Variants in MAP3K4 observed in about 807,000 individuals in gnomAD.
The protein encoded by MAP3K4 is mitogen-activated protein kinase kinase kinase 4, also known as MAP three kinase 1.
MAP3K4 carries 67 observed loss-of-function variants against 185.6 expected under a neutral mutation model. The observed-to-expected ratio is 0.36, with a 90% CI of 0.30 to 0.44. The LOEUF (loss-of-function observed/expected upper bound fraction) is 0.44. MAP3K4 is among the 20% of genes least tolerant of loss of function. The pLI is 1.00. For missense variants in MAP3K4, 1,551 were observed against 1,995.1 expected (o/e 0.78, Z 4.24); for synonymous variants, 702 against 710.4 (o/e 0.99, Z 0.19).
chr6:161,038,641 A>G (rs1435377657), intron 2 of MAP3K4, among the ~76,000 whole-genome samples: 2 of 152,222 alleles, frequency 1.3e-5, no homozygotes, highest in African/African-American at 2.4e-5. Context: ...TAATGGCATG[A>G]AAGAGCAATT....
At chr6:161,041,686 C>A (rs1024707293) in intron 2 of MAP3K4, among the ~76,000 whole-genome samples, 1 of 152,160 alleles carries the variant, frequency 6.6e-6, no homozygotes, top group African/African-American at 2.4e-5. Flanking sequence ...TGGGGCTGCC[C>A]TGTGCAGCCA....
intron 3 of MAP3K4, among the ~76,000 whole-genome samples, chr6:161,052,427 C>CA (rs1385597559): frequency 6.6e-6 from 1 of 152,104 alleles, no homozygotes; most frequent in African/African-American, 2.4e-5. Flanking sequence ...AGAAAAGAAA[C>CA]ACGAATTCAA....
At position 161,063,797 on chromosome 6, in the gene MAP3K4, T is replaced by C. The variant is rs1158637984; in HGVS notation, c.1708-6811T>C. Among the ~76,000 whole-genome samples the C allele has an allele frequency of 6.6e-6, 1 of 152,208 alleles. No homozygotes were observed. The highest frequency in any genetic ancestry group is 1.5e-5 in the Non-Finnish European group (1 of 68,038). ...CATTCCTAATTTCACAGAAGTTCTC[T>C]GTAGACTCTGTGAGCTTTTCATAGA... On this transcript the variant is annotated intron_variant, in intron 3 of 26. Transcript: ENST00000392142. The surrounding 1 kb of genome is among the most constrained non-coding windows in gnomAD (Gnocchi z 5.4).
intron 1 of MAP3K4, among the ~76,000 whole-genome samples, chr6:160,993,296 G>T (rs1057043571): frequency 1.1e-4 from 17 of 152,122 alleles, no homozygotes; most frequent in African/African-American, 4.1e-4. Context: ...AGTATTTTTA[G>T]AAATTTTGTC....
In MAP3K4 at chr6:161,051,248, AT is replaced by A. The variant is rs199944309; in HGVS notation, c.1707+1279del. ...TTGTTATTTTTATTTTTTTAACTTC[AT>A]TTTTTTTTTACACAGCCTGGCTTGC... On this transcript the variant is annotated intron_variant, in intron 3 of 26. Transcript: ENST00000392142. The surrounding 1 kb of genome is among the most constrained non-coding windows in gnomAD (Gnocchi z 4.2). 2.0e-5 allele frequency among the ~76,000 whole-genome samples: 3 copies of A among 149,560 alleles called. No individual in the cohort carries two copies. The highest frequency in any genetic ancestry group is 7.4e-5 in the African/African-American group (3 of 40,750).
At position 161,117,047 on chromosome 6, in the gene MAP3K4, C is replaced by T; in HGVS notation, c.*177C>T. On this transcript the variant is annotated 3_prime_UTR_variant, in exon 27 of 27. Transcript: ENST00000392142. ...TGTTTGTCTGATGTGGCAAAAGGCC[C>T]TCTGGAGGGCTGGTGGCCACGAGGT... 2 of 627,912 alleles carry T rather than the reference C, an allele frequency of 3.2e-6. No homozygotes were observed. The highest frequency in any genetic ancestry group is 5.6e-6 in the Non-Finnish European group (2 of 358,830). The allele number at this position is 627,912 out of a possible 1,614,324, so 38.9% of individuals were successfully genotyped here. A position where few individuals can be genotyped will look rare whatever the true frequency, so the allele number is the denominator to read the frequency against.
At position 161,093,599 on chromosome 6, in the gene MAP3K4, ATTATT is replaced by A. The variant is rs1196556428; in HGVS notation, c.3349-170_3349-166del. On this transcript the variant is annotated intron_variant, in intron 14 of 26. Coordinates refer to ENST00000392142, the MANE Select transcript of MAP3K4 (RefSeq NM_005922.4). The surrounding 1 kb of genome is among the most constrained non-coding windows in gnomAD (Gnocchi z 5.2). ...TACTTATAAAAATGAAATACACTGT[ATTATT>A]TTAAATTACATACAATTTGTGTTTA... 2.0e-5 allele frequency among the ~76,000 whole-genome samples: 3 copies of A among 152,242 alleles called. No individual in the cohort carries two copies. Among genetic ancestry groups the A allele is most frequent in the Admixed American group, 2.0e-4 (3 of 15,282 alleles).
chr6:161,102,953 G>A (rs898654854), intron 19 of MAP3K4, among the ~76,000 whole-genome samples, 174 bp downstream of exon 19: 4 of 152,064 alleles, frequency 2.6e-5, no homozygotes, highest in African/African-American at 7.2e-5. Flanking sequence ...CTGTGTTTGT[G>A]TACATTTCCT....
At chr6:161,045,246 C>T (rs1171482562) in intron 2 of MAP3K4, among the ~76,000 whole-genome samples, 2 of 152,072 alleles carry the variant, frequency 1.3e-5, no homozygotes, top group African/African-American at 4.8e-5. Flanking sequence ...CAAAAAGCTT[C>T]TCTGTCCCAT....
At position 161,114,572 on chromosome 6, in the gene MAP3K4, A is replaced by G. The variant is rs1583254703; in HGVS notation, c.4627-551A>G. Reference sequence around the variant, plus strand: ...AACAGGTTCTCATATTGAAGAATACATATTGGCAATGACGAAACAATAGTT... The same window carrying G: ...AACAGGTTCTCATATTGAAGAATACGTATTGGCAATGACGAAACAATAGTT... On this transcript the variant is annotated intron_variant, in intron 25 of 26. Transcript: ENST00000392142. This position sits in a 1 kb window ranked among gnomAD's most constrained non-coding sequence, Gnocchi z 4.3. Among the ~76,000 whole-genome samples, 1 of 152,356 alleles carries G rather than the reference A, an allele frequency of 6.6e-6. No homozygotes were observed. Among genetic ancestry groups the G allele is most frequent in the Non-Finnish European group, 1.5e-5 (1 of 68,032 alleles).
rs542484582 is a variant in MAP3K4 at position 161,073,751 on chromosome 6, A to G, written c.2097+139A>G. ...TCTCTAGTAATGAATTATAGAAATG[A>G]TCCCTGAAAGTATAGCTTGTGTGTG... is the stretch of plus-strand genomic sequence containing the variant. On this transcript the variant is annotated intron_variant, in intron 5 of 26. Coordinates refer to ENST00000392142, the MANE Select transcript of MAP3K4 (RefSeq NM_005922.4). This position sits in a 1 kb window ranked among gnomAD's most constrained non-coding sequence, Gnocchi z 4.2. The G allele has an allele frequency of 4.5e-6, 4 of 884,428 alleles. No homozygotes were observed. In the South Asian group the frequency reaches 8.1e-5, roughly 18 times the overall value. 54.8% of individuals were successfully genotyped at this position (884,428 alleles called of 1,614,324 possible).
rs919394366 is a variant in MAP3K4 at position 161,037,945 on chromosome 6, A to G, written c.343+3496A>G. On this transcript the variant is annotated intron_variant, in intron 2 of 26. Transcript: ENST00000392142. The surrounding 1 kb of genome is among the most constrained non-coding windows in gnomAD (Gnocchi z 4.2). ...GTATGTCTTCCTAGTCCTTCGCTTT[A>G]TCTCACTACATAATGCTGCTAGTAC... 6.6e-6 allele frequency among the ~76,000 whole-genome samples: 1 copy of G among 152,032 alleles called. No homozygotes were observed. Among genetic ancestry groups the G allele is most frequent in the African/African-American group, 2.4e-5 (1 of 41,382 alleles).
chr6:161,035,788 T>G (rs1316785214), intron 2 of MAP3K4, among the ~76,000 whole-genome samples: 1 of 152,224 alleles, frequency 6.6e-6, no homozygotes, highest in Non-Finnish European at 1.5e-5. Flanking sequence ...AAATATTTGC[T>G]TCGTGTTAGT....
intron 1 of MAP3K4, among the ~76,000 whole-genome samples, chr6:161,026,294 C>A (rs1782650467): frequency 1.1e-5 from 1 of 88,768 alleles, no homozygotes; most frequent in South Asian, 4.2e-4. Context: ...CCACGCGCAG[C>A]TAATTTTTTT....
Position 161,054,448 on chromosome 6 carries a change from C to T in MAP3K4, c.1707+4469C>T, listed in dbSNP as rs1361276871. 4.6e-5 allele frequency among the ~76,000 whole-genome samples: 7 copies of T among 152,208 alleles called. No individual in the cohort carries two copies. Among genetic ancestry groups the T allele is most frequent in the Admixed American group, 4.6e-4 (7 of 15,278 alleles). ...GGGATGATAGGTGTGAGCCACCGCG[C>T]CCGGCCCAAACTAATTTTTCTCTAA... On this transcript the variant is annotated intron_variant, in intron 3 of 26. Transcript: ENST00000392142. This position sits in a 1 kb window ranked among gnomAD's most constrained non-coding sequence, Gnocchi z 4.2.
rs1256437491 is a variant in MAP3K4 at position 161,073,477 on chromosome 6, G to A, written c.1962G>A (p.Glu654=). 7 of 1,611,010 alleles carry A rather than the reference G, an allele frequency of 4.3e-6. No homozygotes were observed. Among genetic ancestry groups the A allele is most frequent in the Non-Finnish European group, 5.9e-6 (7 of 1,178,682 alleles). The part of the protein sequence containing the change: ...SLLSIKQLVR[E]CKEVLKGGLL... Reference sequence around the variant, plus strand: ...GTGTTGTTTTGCAGCTGGTGAGAGAGTGTAAGGAGGTCCTGAAGGGCGGCC... The same window carrying A: ...GTGTTGTTTTGCAGCTGGTGAGAGAATGTAAGGAGGTCCTGAAGGGCGGCC... The change falls in exon 5 of 27, where the codon GAG becomes GAA. Residue 654 remains glutamate (E), a synonymous_variant. Transcript: ENST00000392142. This position sits in a 1 kb window ranked among gnomAD's most constrained non-coding sequence, Gnocchi z 4.2.
chr6:160,996,365 C>CT lies in MAP3K4; in HGVS notation c.152+4283dup, dbSNP rs1168964860. 6.6e-6 allele frequency among the ~76,000 whole-genome samples: 1 copy of CT among 152,328 alleles called. No homozygotes were observed. Among genetic ancestry groups the CT allele is most frequent in the East Asian group, 1.9e-4 (1 of 5,186 alleles). ...TTTTCTGTCATTGTTAGAGGCCACT[C>CT]TGTTTCCTTCATGTATGCTCTCATG... On this transcript the variant is annotated intron_variant, in intron 1 of 26. Transcript: ENST00000392142. The surrounding 1 kb of genome is among the most constrained non-coding windows in gnomAD (Gnocchi z 4.5).
chr6:161,050,081 G>C, intron 3 of MAP3K4, 102 bp downstream of exon 3: 2 of 1,174,654 alleles, frequency 1.7e-6, no homozygotes, highest in Non-Finnish European at 2.4e-6. Flanking sequence ...TAATATTTTT[G>C]AACACAAATG....
chr6:161,098,423 A>G lies in MAP3K4; in HGVS notation c.3670A>G (p.Thr1224Ala), dbSNP rs759724988. 6.2e-7 allele frequency: 1 copy of G among 1,612,912 alleles called. No individual in the cohort carries two copies. The change falls in exon 17 of 27, where the codon ACC becomes GCC. Residue 1224 changes from threonine (T) to alanine (A), a missense_variant. Physicochemically the swap from Thr to Ala is moderately conservative, Grantham distance 58 (BLOSUM62 0). Coordinates refer to ENST00000392142, the MANE Select transcript of MAP3K4 (RefSeq NM_005922.4). The surrounding 1 kb of genome is among the most constrained non-coding windows in gnomAD (Gnocchi z 4.4). ...LPKSISSAHDTRGSSVPENDR... is the reference protein window; with the variant it reads ...LPKSISSAHDARGSSVPENDR... Reference sequence around the variant, plus strand: ...CAAATCCATCAGCAGTGCCCATGATACCAGGTAGTCTCACCCCACCAGTGT... The same window carrying G: ...CAAATCCATCAGCAGTGCCCATGATGCCAGGTAGTCTCACCCCACCAGTGT...
Sources: allele counts gnomAD v4.1 joint callset (sites outside exome capture counted in the v4.1 genomes callset), GRCh38; gene constraint gnomAD v4.1.1; non-coding constraint Gnocchi (gnomAD v3.1); transcripts MANE v1.5; gene names NCBI Gene and HGNC (gene_info 2026-07-23, HGNC 2026-07-21).